MRPL13: variants seen among roughly 807,000 people sequenced by gnomAD.
The protein encoded by MRPL13 is mitochondrial ribosomal protein L13.
Under a neutral mutation model 29.0 loss-of-function variants are expected in MRPL13, and 33 were observed. The ratio of observed to expected loss-of-function variants is 1.14; its 90% CI spans 0.86 to 1.52. MRPL13 has a LOEUF of 1.52. MRPL13 is among the 40% of genes most tolerant of loss of function. The probability of loss-of-function intolerance (pLI) is 0.00; values close to 1 mark genes in which losing one functional copy is unlikely to be tolerated. For missense variants in MRPL13, 227 were observed against 216.7 expected, an observed-to-expected ratio of 1.05 and a Z score of -0.30; for synonymous variants, 77 against 68.4, an observed-to-expected ratio of 1.13 and a Z score of -0.62.
rs1278363383 is a variant in MRPL13 at position 120,414,044 on chromosome 8, A to G, written c.462T>C (p.Arg154=). 2 of 1,603,476 alleles carry G rather than the reference A, an allele frequency of 1.2e-6. No homozygotes were observed. Among genetic ancestry groups the G allele is most frequent in the South Asian group, 2.3e-5 (2 of 88,050 alleles). ...ELPQPRKIPK[R]LDEYTQEEID... is the part of the protein sequence containing the mutation. ...TTTCTTCTTGTGTGTACTCATCTAG[A>G]CGTTTAGGTATTTTTCGTGGTTGAG... Residue 154 remains arginine, a synonymous_variant, in exon 6 of 7, where the codon CGT becomes CGC. Transcript: ENST00000306185.
Position 120,421,370 on chromosome 8 carries a change from AAACT to A in MRPL13, c.307-1436_307-1433del, listed in dbSNP as rs535495754. On this transcript the variant is annotated intron_variant, in intron 4 of 6. Transcript: ENST00000306185. The stretch of plus-strand genomic sequence containing the variant: ...TTATGAAAAATTTTAAATATTTAAC[AAACT>A]ATTACCTATTTAACTATTAAATATT... Among the ~76,000 whole-genome samples, 178 of 152,008 alleles carry A rather than the reference AAACT, an allele frequency of 1.2e-3. 2 individuals are homozygous for A. Among genetic ancestry groups the A allele is most frequent in the South Asian group, 9.5e-3 (46 of 4,828 alleles).
In MRPL13 at chr8:120,443,246, T is replaced by A. The variant is rs1314355751; in HGVS notation, c.90A>T (p.Lys30Asn). Residue 30 changes from lysine to asparagine, a missense_variant, in exon 2 of 7, where the codon AAA becomes AAT. Physicochemically the swap from Lys to Asn is moderately conservative, Grantham distance 94. Coordinates refer to ENST00000306185, the MANE Select transcript of MRPL13 (RefSeq NM_014078.6). ...LLDGKMQPPGKLAAMASIRLQ... is the reference protein window; with the variant it reads ...LLDGKMQPPGNLAAMASIRLQ... ...GTCTTATAGATGCCATAGCAGCAAG[T>A]TTGCCAGGTGGCTGCATTTTCCCAT... 1.9e-6 allele frequency: 3 copies of A among 1,610,088 alleles called. No homozygotes were observed.
At chr8:120,410,882 C>T (rs371755957) in intron 6 of MRPL13, among the ~76,000 whole-genome samples, 1 of 151,996 alleles carries the variant, frequency 6.6e-6, no homozygotes, top group African/African-American at 2.4e-5. Context: ...TCAAGCAATT[C>T]TCCTGCCTCA....
At chr8:120,409,990 A>G (rs1337926729) in intron 6 of MRPL13, among the ~76,000 whole-genome samples, 1 of 152,222 alleles carries the variant, frequency 6.6e-6, no homozygotes, top group Non-Finnish European at 1.5e-5. Context: ...CAACAATGCT[A>G]GCTTTTAATT....
At position 120,434,359 on chromosome 8, in the gene MRPL13, A is replaced by G. The variant is rs76349679; in HGVS notation, c.152-2236T>C. ...TTTTAACACTTAAAGTCTCACAACT[A>G]TCTTATTAGGTAAAGCTAACGTACT... On this transcript the variant is annotated intron_variant, in intron 2 of 6. Coordinates refer to ENST00000306185, the MANE Select transcript of MRPL13 (RefSeq NM_014078.6). 1.1e-3 allele frequency among the ~76,000 whole-genome samples: 163 copies of G among 152,218 alleles called. 1 individual carries two copies. The East Asian group carries it at 0.026, about 24-fold the overall frequency.
intron 1 of MRPL13, among the ~76,000 whole-genome samples, chr8:120,444,233 C>T (rs888540090): frequency 6.6e-6 from 1 of 152,100 alleles, no homozygotes; most frequent in Non-Finnish European, 1.5e-5. Flanking sequence ...TATTTTACTT[C>T]CTGTATTTAT....
chr8:120,403,518 G>C (rs979985391), intron 6 of MRPL13, among the ~76,000 whole-genome samples: 1 of 152,086 alleles, frequency 6.6e-6, no homozygotes, highest in Non-Finnish European at 1.5e-5. Flanking sequence ...AGACCGTCAG[G>C]AAGAATAGCG....
chr8:120,417,874 G>A (rs1425788214), intron 5 of MRPL13, among the ~76,000 whole-genome samples: 1 of 152,104 alleles, frequency 6.6e-6, no homozygotes, highest in Non-Finnish European at 1.5e-5. Context: ...GGAATAGCAT[G>A]TGGAAAACAA....
chr8:120,411,192 G>C (rs1304782137), intron 6 of MRPL13, among the ~76,000 whole-genome samples: 1 of 152,078 alleles, frequency 6.6e-6, no homozygotes, highest in African/African-American at 2.4e-5. Context: ...CTACCAAGTA[G>C]CTGGGACTAC....
chr8:120,426,002 G>C (rs1370302665), intron 3 of MRPL13, among the ~76,000 whole-genome samples: 1 of 151,986 alleles, frequency 6.6e-6, no homozygotes, highest in African/African-American at 2.4e-5. Flanking sequence ...ATGGAATCTA[G>C]GTTTTGTCAG....
intron 2 of MRPL13, among the ~76,000 whole-genome samples, chr8:120,433,924 T>C (rs1586927090): frequency 6.6e-6 from 1 of 152,110 alleles, no homozygotes. Context: ...ATCATAGCTC[T>C]AGTGCTTGAT....
chr8:120,427,935 C>T (rs1455988427), intron 3 of MRPL13, among the ~76,000 whole-genome samples: 4 of 151,850 alleles, frequency 2.6e-5, no homozygotes, highest in African/African-American at 9.7e-5. Flanking sequence ...AGATTCAATG[C>T]TATTCCTATT....
rs1813144245 is a variant in MRPL13, at chr8:120,443,218, G to C, written c.118C>G (p.Gln40Glu). 1.2e-6 allele frequency: 2 copies of C among 1,607,920 alleles called. No homozygotes were observed. Among genetic ancestry groups the C allele is most frequent in the African/African-American group, 2.7e-5 (2 of 74,310 alleles). The change falls in exon 2 of 7, where the codon CAG becomes GAG. Residue 40 changes from glutamine to glutamate, a missense_variant. Gln to Glu is a conservative substitution (Grantham distance 29, BLOSUM62 2). Coordinates refer to ENST00000306185, the MANE Select transcript of MRPL13 (RefSeq NM_014078.6). ...TGGTACACAGGTTTATGTAATCCCTGAAGTCTTATAGATGCCATAGCAGCA... is the reference window on the plus strand; with the variant it reads ...TGGTACACAGGTTTATGTAATCCCTCAAGTCTTATAGATGCCATAGCAGCA... ...KLAAMASIRL[Q>E]GLHKPVYHAL... is the part of the protein sequence containing the mutation.
intron 2 of MRPL13, among the ~76,000 whole-genome samples, chr8:120,432,392 C>CT (rs1813006151): frequency 6.6e-6 from 1 of 152,016 alleles, no homozygotes; most frequent in Non-Finnish European, 1.5e-5. Context: ...AACAATACAT[C>CT]TTTTAAAGGC....
chr8:120,429,812 T>C (rs915199208), intron 3 of MRPL13, among the ~76,000 whole-genome samples: 55 of 152,310 alleles, frequency 3.6e-4, no homozygotes, highest in African/African-American at 1.2e-3. Flanking sequence ...GCATATAACC[T>C]ACACACATCC....
intron 6 of MRPL13, among the ~76,000 whole-genome samples, chr8:120,412,912 A>G (rs897839503): frequency 8.5e-5 from 13 of 152,158 alleles, no homozygotes; most frequent in African/African-American, 2.9e-4. Flanking sequence ...CTCTGTGCCC[A>G]TATTTTCTCA....
rs376509193 is a variant in MRPL13 at position 120,435,436 on chromosome 8, A to G, written c.152-3313T>C. ...CAGGAGTACCCAATGTTTAACTCCC[A>G]CTTATAAGTGAGAACATGCAGTATT... On this transcript the variant is annotated intron_variant, in intron 2 of 6. Coordinates refer to ENST00000306185, the MANE Select transcript of MRPL13 (RefSeq NM_014078.6). Among the ~76,000 whole-genome samples, 111 of 152,176 alleles carry G rather than the reference A, an allele frequency of 7.3e-4. 1 individual carries two copies. Among genetic ancestry groups the G allele is most frequent in the African/African-American group, 2.6e-3 (106 of 41,544 alleles).
At chr8:120,416,884 C>T (rs1336995510) in intron 5 of MRPL13, among the ~76,000 whole-genome samples, 1 of 152,110 alleles carries the variant, frequency 6.6e-6, no homozygotes, top group Non-Finnish European at 1.5e-5. Flanking sequence ...TGATGAAATA[C>T]TTTTTATCTA....
At chr8:120,422,769 A>T (rs956251665) in intron 4 of MRPL13, among the ~76,000 whole-genome samples, 3 of 151,814 alleles carry the variant, frequency 2.0e-5, no homozygotes, top group Non-Finnish European at 4.4e-5. Flanking sequence ...TCTTGTGGGG[A>T]TCAAAATCCT....
Sources: allele counts gnomAD v4.1 joint callset (sites outside exome capture counted in the v4.1 genomes callset), GRCh38; gene constraint gnomAD v4.1.1; transcripts MANE v1.5; gene names NCBI Gene and HGNC (gene_info 2026-07-23, HGNC 2026-07-21).